The following DAP variants were observed in gnomAD, a reference collection of about 807,000 sequenced individuals.
DAP encodes death associated protein.
In DAP, 8 loss-of-function variants were observed where a neutral mutation model predicts 13.8. The observed-to-expected ratio is 0.58, with a 90% confidence interval of 0.34 to 1.05. DAP has a LOEUF of 1.05. Among genes scored for constraint, DAP ranks in the 50% least tolerant of loss-of-function variants. The pLI, the probability that DAP is intolerant of heterozygous loss-of-function variation, is 0.03. For missense variants in DAP, 106 were observed against 133.2 expected, an observed-to-expected ratio of 0.80 and a Z score of 1.01; for synonymous variants, 47 against 47.5, an observed-to-expected ratio of 0.99 and a Z score of 0.04.
At chr5:10,745,692 A>T (rs1432846773) in intron 2 of DAP, among the ~76,000 whole-genome samples, 1 of 152,168 alleles carries the variant, frequency 6.6e-6, no homozygotes, top group South Asian at 2.1e-4. Context: ...ACTATCTCTC[A>T]TTGTATTGAC....
intron 2 of DAP, among the ~76,000 whole-genome samples, chr5:10,727,264 G>A (rs1348403366): frequency 1.3e-5 from 2 of 152,144 alleles, no homozygotes; most frequent in Non-Finnish European, 2.9e-5. Flanking sequence ...CCACTGCCCC[G>A]GGGGAGCTTG....
At chr5:10,742,474 C>T (rs1739786288) in intron 2 of DAP, among the ~76,000 whole-genome samples, 1 of 152,206 alleles carries the variant, frequency 6.6e-6, no homozygotes, top group Non-Finnish European at 1.5e-5. Context: ...TTGCAGTGAG[C>T]TGAGATCATA....
intron 2 of DAP, among the ~76,000 whole-genome samples, chr5:10,737,290 G>A (rs1237443320): frequency 6.7e-6 from 1 of 150,224 alleles, no homozygotes; most frequent in Non-Finnish European, 1.5e-5. Flanking sequence ...AGCTTGCAGT[G>A]AGCTGAGATC....
chr5:10,713,221 AGAC>A (rs1285548975), intron 2 of DAP, among the ~76,000 whole-genome samples: 1 of 152,230 alleles, frequency 6.6e-6, no homozygotes. Context: ...AATCTCAGCA[AGAC>A]AACCTAACAT....
chr5:10,716,986 C>T (rs1739005349), intron 2 of DAP, among the ~76,000 whole-genome samples: 1 of 152,122 alleles, frequency 6.6e-6, no homozygotes, highest in Non-Finnish European at 1.5e-5. Context: ...ACTGATAAGT[C>T]CTAGGCGGAA....
intron 2 of DAP, among the ~76,000 whole-genome samples, chr5:10,717,691 C>T (rs1579802356): frequency 6.6e-6 from 1 of 152,148 alleles, no homozygotes; most frequent in Non-Finnish European, 1.5e-5. Context: ...TAATTAGATA[C>T]CAAGGTGGCA....
In DAP at chr5:10,722,567, T is replaced by C. The variant is rs1226920644; in HGVS notation, c.152+25608A>G. 5.4e-5 allele frequency among the ~76,000 whole-genome samples: 8 copies of C among 146,828 alleles called. No homozygotes were observed. In the East Asian group the frequency reaches 1.6e-3, roughly 29 times the overall value. ...ATATATACATATACATGCATATATA[T>C]ACATACATACATATATATACATATA... is the stretch of plus-strand genomic sequence containing the variant. On this transcript the variant is annotated intron_variant, in intron 2 of 3. Transcript: ENST00000230895.
chr5:10,712,670 A>T (rs533959580), intron 2 of DAP, among the ~76,000 whole-genome samples: 2 of 152,190 alleles, frequency 1.3e-5, no homozygotes, highest in African/African-American at 4.8e-5. Context: ...GCAGGAACCC[A>T]CAGGACCAAC....
chr5:10,751,175 T>C (rs953745803), intron 1 of DAP, among the ~76,000 whole-genome samples: 2 of 152,188 alleles, frequency 1.3e-5, no homozygotes, highest in Admixed American at 1.3e-4. Flanking sequence ...CCACCTCTCA[T>C]GCTAAAGGTC....
Position 10,726,450 on chromosome 5 carries a change from C to A in DAP, c.152+21725G>T, listed in dbSNP as rs369745500. Among the ~76,000 whole-genome samples, 6 of 152,340 alleles carry A rather than the reference C, an allele frequency of 3.9e-5. No individual in the cohort carries two copies. The East Asian group carries it at 1.2e-3, about 29-fold the overall frequency. On this transcript the variant is annotated intron_variant, in intron 2 of 3. Transcript: ENST00000230895. ...GAAATAGTCTCAGGCCCACCCCAGC[C>A]CTGCTGAGGCAGAATCTGCATTCTG...
chr5:10,689,241 T>G (rs1210085127), intron 2 of DAP, among the ~76,000 whole-genome samples: 1 of 152,056 alleles, frequency 6.6e-6, no homozygotes, highest in Non-Finnish European at 1.5e-5. Context: ...GGGCACGCTC[T>G]TTCCTTTCCT....
intron 1 of DAP, 92 bp from the exon 2 acceptor site, chr5:10,748,363 G>A: frequency 1.1e-6 from 1 of 945,058 alleles, no homozygotes; most frequent in African/African-American, 1.6e-5. Flanking sequence ...GTTGCTCAGT[G>A]GCCACAAGTC....
At chr5:10,737,577 T>C (rs1399002298) in intron 2 of DAP, among the ~76,000 whole-genome samples, 7 of 152,174 alleles carry the variant, frequency 4.6e-5, no homozygotes, top group African/African-American at 1.4e-4. Flanking sequence ...AGTTCAAACA[T>C]GCAGATCATG....
At chr5:10,721,697 G>A (rs536918112) in intron 2 of DAP, among the ~76,000 whole-genome samples, 11 of 152,230 alleles carry the variant, frequency 7.2e-5, no homozygotes, top group Non-Finnish European at 1.0e-4. Flanking sequence ...ACCTGCTGAG[G>A]TGCTTGCTGA....
chr5:10,710,899 AG>A (rs1738831793), intron 2 of DAP, among the ~76,000 whole-genome samples: 1 of 152,184 alleles, frequency 6.6e-6, no homozygotes, highest in Non-Finnish European at 1.5e-5. Context: ...AAGCTGAGCC[AG>A]GGGAAGTGGT....
chr5:10,685,146 TCCC>T (rs1416666756), intron 2 of DAP, among the ~76,000 whole-genome samples: 1 of 151,558 alleles, frequency 6.6e-6, no homozygotes, highest in Non-Finnish European at 1.5e-5. Context: ...CACCTGAAAT[TCCC>T]CCAAGTAATT....
intron 2 of DAP, among the ~76,000 whole-genome samples, chr5:10,728,963 C>T (rs955884667): frequency 4.6e-5 from 7 of 152,140 alleles, no homozygotes; most frequent in East Asian, 1.9e-4. Flanking sequence ...TTCCACCTAT[C>T]GAAATTCTAT....
chr5:10,694,152 C>G (rs114691091), intron 2 of DAP, among the ~76,000 whole-genome samples: 1 of 151,802 alleles, frequency 6.6e-6, no homozygotes, highest in Non-Finnish European at 1.5e-5. Flanking sequence ...AACCATTTAA[C>G]AGATTCGAGG....
At chr5:10,722,531 C>T (rs1316485606) in intron 2 of DAP, among the ~76,000 whole-genome samples, 2 of 148,636 alleles carry the variant, frequency 1.3e-5, no homozygotes, top group African/African-American at 5.0e-5. Flanking sequence ...CATATACATG[C>T]ATATATATAC....
Sources: gnomAD v4.1 joint callset for allele counts (sites outside exome capture counted in the v4.1 genomes callset) on GRCh38, gnomAD v4.1.1 for gene constraint, MANE v1.5 for transcripts, NCBI Gene and HGNC (gene_info 2026-07-23, HGNC 2026-07-21) for gene names.